The following LRCH3 variants were observed in gnomAD, a reference collection of about 807,000 sequenced individuals.
LRCH3 encodes leucine rich repeats and calponin homology domain containing 3, also known as DISP complex protein LRCH3.
In LRCH3, 68 loss-of-function variants were observed where a neutral mutation model predicts 104.5. That is an observed-to-expected ratio of 0.65 (90% CI 0.54 to 0.80). The LOEUF (loss-of-function observed/expected upper bound fraction) is 0.80. Among genes scored for constraint, LRCH3 ranks in the 30% least tolerant of loss-of-function variants. The pLI is 0.00. For missense variants in LRCH3, 951 were observed against 953.9 expected (o/e 1.00, Z 0.04); for synonymous variants, 344 against 361.3 (o/e 0.95, Z 0.54).
At chr3:197,842,930 C>T (rs150155514) in intron 10 of LRCH3, among the ~76,000 whole-genome samples, 23 of 151,764 alleles carry the variant, frequency 1.5e-4, no homozygotes, top group Middle Eastern at 3.4e-3. Flanking sequence ...ACTAAAAATA[C>T]AAAAATTAGC....
chr3:197,841,977 C>T (rs1008325675), intron 10 of LRCH3, among the ~76,000 whole-genome samples: 2 of 152,014 alleles, frequency 1.3e-5, no homozygotes, highest in African/African-American at 4.8e-5. Flanking sequence ...CAACTTCAGG[C>T]GTGTGCTACA....
chr3:197,858,281 G>A (rs1365713972), intron 14 of LRCH3, among the ~76,000 whole-genome samples: 1 of 152,054 alleles, frequency 6.6e-6, no homozygotes, highest in African/African-American at 2.4e-5. Context: ...TATGTTGGTT[G>A]GTGAAAGATA....
intron 1 of LRCH3, among the ~76,000 whole-genome samples, chr3:197,805,114 G>A (rs962850390): frequency 1.3e-5 from 2 of 152,050 alleles, no homozygotes; most frequent in South Asian, 2.1e-4. Flanking sequence ...GGCTGGTCTC[G>A]AACTCCCGAC....
intron 1 of LRCH3, among the ~76,000 whole-genome samples, chr3:197,793,262 T>G (rs1239313284): frequency 6.6e-6 from 1 of 152,228 alleles, no homozygotes; most frequent in Non-Finnish European, 1.5e-5. Context: ...TAGTTTAAAA[T>G]AGAAGAAATT....
intron 6 of LRCH3, among the ~76,000 whole-genome samples, chr3:197,830,223 T>C (rs1735744019): frequency 6.6e-6 from 1 of 152,232 alleles, no homozygotes; most frequent in African/African-American, 2.4e-5. Flanking sequence ...TATAAGGTCA[T>C]CTGCTTGGCA....
At chr3:197,881,503 GT>G in intron 20 of LRCH3, 1 of 985,382 alleles carries the variant, frequency 1.0e-6, no homozygotes, top group African/African-American at 1.7e-5. Context: ...CCAGCATTCT[GT>G]TTAAATTTGG....
chr3:197,838,968 TTC>T (rs948635482), intron 9 of LRCH3, among the ~76,000 whole-genome samples: 14 of 152,310 alleles, frequency 9.2e-5, no homozygotes, highest in East Asian at 7.7e-4. Flanking sequence ...AGGTGGGAAT[TTC>T]TGTCCTAAAT....
rs1714172243 is a variant in LRCH3, at chr3:197,886,106, AG to A, written c.*2442del. ...ATAATCCCAGCACTTTGGGAGGCCG[AG>A]GCAAGAGGATCACTTGAGCCCAGGA... On this transcript the variant is annotated 3_prime_UTR_variant, in exon 21 of 21. Transcript: ENST00000425562. 6.6e-6 allele frequency: 1 copy of A among 151,684 alleles called. No individual in the cohort carries two copies. Among genetic ancestry groups the A allele is most frequent in the East Asian group, 1.9e-4 (1 of 5,142 alleles). The allele number at this position is 151,684 out of a possible 1,614,324, so 9.4% of individuals were successfully genotyped here.
At chr3:197,832,367 T>C in intron 8 of LRCH3, 50 bp downstream of exon 8, 2 of 1,588,178 alleles carry the variant, frequency 1.3e-6, no homozygotes, top group Non-Finnish European at 1.7e-6. Flanking sequence ...ATTTAACTTT[T>C]TAAAGTTGTC....
intron 19 of LRCH3, among the ~76,000 whole-genome samples, chr3:197,873,848 C>T (rs1712536339): frequency 6.6e-6 from 1 of 151,888 alleles, no homozygotes; most frequent in African/African-American, 2.4e-5. Context: ...TGATGAAACC[C>T]CATCTCTACT....
chr3:197,800,736 T>C (rs1731788647), intron 1 of LRCH3, among the ~76,000 whole-genome samples: 1 of 152,236 alleles, frequency 6.6e-6, no homozygotes, highest in Admixed American at 6.5e-5. Flanking sequence ...CATAGCATTA[T>C]TCATATTTGA....
At chr3:197,832,595 C>G (rs1736105417) in intron 8 of LRCH3, among the ~76,000 whole-genome samples, 1 of 151,912 alleles carries the variant, frequency 6.6e-6, no homozygotes, top group Non-Finnish European at 1.5e-5. Flanking sequence ...CTTTGTTAAT[C>G]TGGATTTAAT....
At chr3:197,812,191 T>C (rs1322651174) in intron 1 of LRCH3, among the ~76,000 whole-genome samples, 1 of 152,220 alleles carries the variant, frequency 6.6e-6, no homozygotes, top group African/African-American at 2.4e-5. Flanking sequence ...CATTACTTCC[T>C]GGTAATCATT....
chr3:197,847,351 T>C (rs986050688), intron 10 of LRCH3, 58 bp from the exon 11 acceptor site: 14 of 1,429,864 alleles, frequency 9.8e-6, no homozygotes, highest in Non-Finnish European at 1.3e-5. Flanking sequence ...GTTTTTTATG[T>C]ATCTGTTTGT....
At chr3:197,863,190 T>C (rs909645213) in intron 15 of LRCH3, among the ~76,000 whole-genome samples, 5 of 152,158 alleles carry the variant, frequency 3.3e-5, no homozygotes, top group African/African-American at 9.7e-5. Context: ...AGTTATAATA[T>C]ATTTAGATTA....
At position 197,854,457 on chromosome 3, in the gene LRCH3, G is replaced by A; in HGVS notation, c.1644+12G>A. ...GTGCCTTGTGCATGGTAAGAGTTTT[G>A]CACAAAACGGAGTTTCGCATTTCTG... On this transcript the variant is annotated intron_variant, in intron 14 of 20. Transcript: ENST00000425562. The surrounding 1 kb of genome is among the most constrained non-coding windows in gnomAD (Gnocchi z 4.5). 1 of 1,613,440 alleles carries A rather than the reference G, an allele frequency of 6.2e-7. No individual in the cohort carries two copies. Among genetic ancestry groups the A allele is most frequent in the Non-Finnish European group, 8.5e-7 (1 of 1,179,360 alleles).
At chr3:197,861,670 AT>A (rs1740899871) in intron 15 of LRCH3, among the ~76,000 whole-genome samples, 1 of 152,066 alleles carries the variant, frequency 6.6e-6, no homozygotes, top group African/African-American at 2.4e-5. Context: ...CATTATACTT[AT>A]GAATTTATTT....
At chr3:197,837,548 A>G (rs1283128654) in intron 9 of LRCH3, among the ~76,000 whole-genome samples, 2 of 152,154 alleles carry the variant, frequency 1.3e-5, no homozygotes, top group Admixed American at 1.3e-4. Context: ...AACACTATCT[A>G]AAAATGGAAT....
chr3:197,838,906 T>C (rs1465727044), intron 9 of LRCH3, among the ~76,000 whole-genome samples: 1 of 152,174 alleles, frequency 6.6e-6, no homozygotes, highest in Non-Finnish European at 1.5e-5. Context: ...CCCAGTGAAC[T>C]CACTATTACC....
Sources: gnomAD v4.1 joint callset for allele counts (sites outside exome capture counted in the v4.1 genomes callset) on GRCh38, gnomAD v4.1.1 for gene constraint, Gnocchi (gnomAD v3.1) non-coding constraint, MANE v1.5 for transcripts, NCBI Gene and HGNC (gene_info 2026-07-23, HGNC 2026-07-21) for gene names.